Variants in DCC observed in about 807,000 individuals in gnomAD.
The protein encoded by DCC is DCC netrin 1 receptor.
Under a neutral mutation model 172.5 loss-of-function variants are expected in DCC, and 58 were observed. That is an observed-to-expected ratio of 0.34 (90% CI 0.27 to 0.42). The LOEUF is 0.42. Among genes scored for constraint, DCC ranks in the 10% least tolerant of loss-of-function variants. The pLI is 1.00. For missense variants in DCC, 1,740 were observed against 1,791.0 expected, an observed-to-expected ratio of 0.97 and a Z score of 0.51; for synonymous variants, 709 against 644.5, an observed-to-expected ratio of 1.10 and a Z score of -1.52.
chr18:53,459,322 G>A lies in DCC; in HGVS notation c.3483G>A (p.Glu1161=), dbSNP rs1311025987. 6.2e-7 allele frequency: 1 copy of A among 1,614,008 alleles called. No homozygotes were observed. The highest frequency in any genetic ancestry group is 8.5e-7 in the Non-Finnish European group (1 of 1,180,028). The change falls in exon 24 of 29, where the codon GAG becomes GAA. Residue 1161 remains glutamate, a synonymous_variant. Coordinates refer to ENST00000442544, the MANE Select transcript of DCC (RefSeq NM_005215.4). ...TTTGGATCCATCATGAAGAAATGGA[G>A]ATGAAAAATATTGAAAAGCCATCTG... ...PDLWIHHEEM[E]MKNIEKPSGT... is the part of the protein sequence containing the mutation.
At position 52,502,910 on chromosome 18, in the gene DCC, T is replaced by C. The variant is rs984341527; in HGVS notation, c.91+162032T>C. On this transcript the variant is annotated intron_variant, in intron 1 of 28. Coordinates refer to ENST00000442544, the MANE Select transcript of DCC (RefSeq NM_005215.4). ...TTTGCAGTTCTTCCTATTTGCATTA[T>C]TTAATTTGTGCTGTCTTGCTAATAT... 7.2e-5 allele frequency among the ~76,000 whole-genome samples: 11 copies of C among 152,256 alleles called. No individual in the cohort carries two copies. In the East Asian group the frequency reaches 1.7e-3, roughly 24 times the overall value.
Position 53,066,030 on chromosome 18 carries a change from T to A in DCC, c.1141-16T>A, listed in dbSNP as rs750932590. On this transcript the variant is annotated splice_polypyrimidine_tract_variant and intron_variant, in intron 6 of 28. Coordinates refer to ENST00000442544, the MANE Select transcript of DCC (RefSeq NM_005215.4). Reference sequence around the variant, plus strand: ...TTGCTTTCTAAAATACTTTACCTGCTTTTTCTTTTCCCTAGGGAGGAAGCA... The same window carrying A: ...TTGCTTTCTAAAATACTTTACCTGCATTTTCTTTTCCCTAGGGAGGAAGCA... 6 of 1,612,158 alleles carry A rather than the reference T, an allele frequency of 3.7e-6. No homozygotes were observed. Among genetic ancestry groups the A allele is most frequent in the Non-Finnish European group, 5.1e-6 (6 of 1,178,716 alleles).
intron 1 of DCC, among the ~76,000 whole-genome samples, chr18:52,599,842 A>G (rs2033982087): frequency 6.6e-6 from 1 of 152,078 alleles, no homozygotes; most frequent in Non-Finnish European, 1.5e-5. Flanking sequence ...AAAGCAAAAA[A>G]AAATCTTAGC....
At chr18:52,517,400 G>A (rs569541745) in intron 1 of DCC, among the ~76,000 whole-genome samples, 1 of 152,162 alleles carries the variant, frequency 6.6e-6, no homozygotes, top group Admixed American at 6.5e-5. Flanking sequence ...CAGTGAGAAA[G>A]CCAGCAAGGT....
At chr18:53,093,634 A>G (rs942679458) in intron 7 of DCC, among the ~76,000 whole-genome samples, 2 of 152,080 alleles carry the variant, frequency 1.3e-5, no homozygotes, top group Non-Finnish European at 2.9e-5. Context: ...AATTATTGAC[A>G]CCTATTTAAT....
At chr18:53,286,388 C>G (rs2056935863) in intron 12 of DCC, among the ~76,000 whole-genome samples, 1 of 152,124 alleles carries the variant, frequency 6.6e-6, no homozygotes, top group South Asian at 2.1e-4. Context: ...GGGAGTTTAC[C>G]TGCACAAGCT....
intron 12 of DCC, among the ~76,000 whole-genome samples, chr18:53,251,515 A>G (rs961975894): frequency 6.6e-6 from 1 of 152,022 alleles, no homozygotes; most frequent in Admixed American, 6.6e-5. Flanking sequence ...TTGTCAAATC[A>G]TACCTGTAAC....
chr18:53,150,371 T>C (rs2043979917), intron 7 of DCC, among the ~76,000 whole-genome samples: 1 of 152,184 alleles, frequency 6.6e-6, no homozygotes. Flanking sequence ...TCTCACAAAT[T>C]TGCAAAGCCT....
intron 12 of DCC, among the ~76,000 whole-genome samples, chr18:53,234,186 G>T (rs1281593879): frequency 6.6e-6 from 1 of 152,176 alleles, no homozygotes; most frequent in Non-Finnish European, 1.5e-5. Context: ...GGAGGCGGAG[G>T]TTGCAGTGAA....
chr18:53,359,212 T>C, intron 15 of DCC, among the ~76,000 whole-genome samples: 1 of 152,138 alleles, frequency 6.6e-6, no homozygotes, highest in East Asian at 1.9e-4. Flanking sequence ...GTTCAAAAAT[T>C]GTGACCCATG....
chr18:53,045,727 C>A (rs570097716), intron 5 of DCC, among the ~76,000 whole-genome samples: 8 of 151,818 alleles, frequency 5.3e-5, no homozygotes, highest in Non-Finnish European at 1.2e-4. Context: ...CTAATGTATG[C>A]CTTTGTCATT....
chr18:53,117,604 A>G (rs1462410146), intron 7 of DCC, among the ~76,000 whole-genome samples: 10 of 151,834 alleles, frequency 6.6e-5, no homozygotes, highest in South Asian at 2.1e-4. Context: ...TTTGCACTAA[A>G]CCTGAAGATT....
intron 9 of DCC, among the ~76,000 whole-genome samples, chr18:53,198,450 T>G (rs77834100): frequency 7.4e-6 from 1 of 135,452 alleles, no homozygotes; most frequent in Non-Finnish European, 1.7e-5. Context: ...TCTCTCTCTC[T>G]CTCTCACACA....
At chr18:53,289,762 G>A (rs1410819707) in intron 12 of DCC, among the ~76,000 whole-genome samples, 2 of 152,194 alleles carry the variant, frequency 1.3e-5, no homozygotes, top group Non-Finnish European at 2.9e-5. Context: ...TGCATCTGAC[G>A]TGATGCTTCA....
rs1049321233 is a variant in DCC, at chr18:53,534,816, G to C, written c.*4163G>C. 2 of 152,200 alleles carry C rather than the reference G, an allele frequency of 1.3e-5. No individual in the cohort carries two copies. The highest frequency in any genetic ancestry group is 4.8e-5 in the African/African-American group (2 of 41,448). 9.4% of individuals were successfully genotyped at this position (152,200 alleles called of 1,614,324 possible). On this transcript the variant is annotated 3_prime_UTR_variant, in exon 29 of 29. Transcript: ENST00000442544. ...AAATACCACACCCATATCAGCAAATGAATATTACTACTCATCTGGACTCTT... is the reference window on the plus strand; with the variant it reads ...AAATACCACACCCATATCAGCAAATCAATATTACTACTCATCTGGACTCTT...
intron 12 of DCC, among the ~76,000 whole-genome samples, chr18:53,300,477 T>C (rs2057119643): frequency 6.6e-6 from 1 of 152,210 alleles, no homozygotes; most frequent in Non-Finnish European, 1.5e-5. Flanking sequence ...GCTGAAGCAC[T>C]GTCCAGTGTT....
In DCC at chr18:53,030,601, A is replaced by G. The variant is rs1012244600; in HGVS notation, c.986-32704A>G. On this transcript the variant is annotated intron_variant, in intron 5 of 28. Coordinates refer to ENST00000442544, the MANE Select transcript of DCC (RefSeq NM_005215.4). ...CTATCTTGAGTAATAACCAGAGGCT[A>G]TGCTGTAACAAGGCCCCCAACTTAG... Among the ~76,000 whole-genome samples, 4 of 152,248 alleles carry G rather than the reference A, an allele frequency of 2.6e-5. No homozygotes were observed. The East Asian group carries it at 5.8e-4, about 22-fold the overall frequency.
chr18:52,560,675 C>G (rs145639712), intron 1 of DCC, among the ~76,000 whole-genome samples: 6,063 of 152,202 alleles, frequency 0.04, 160 homozygotes, highest in Non-Finnish European at 0.054. Flanking sequence ...ATACACCAGT[C>G]CTTGATGCTT....
intron 7 of DCC, among the ~76,000 whole-genome samples, chr18:53,092,367 C>G (rs1237969220): frequency 6.6e-6 from 1 of 152,100 alleles, no homozygotes; most frequent in African/African-American, 2.4e-5. Context: ...TCTATTTTGC[C>G]TGTCACTCTC....
Sources: gnomAD v4.1 joint callset for allele counts (sites outside exome capture counted in the v4.1 genomes callset) on GRCh38, gnomAD v4.1.1 for gene constraint, MANE v1.5 for transcripts, NCBI Gene and HGNC (gene_info 2026-07-23, HGNC 2026-07-21) for gene names.